Variants in CFHR1 observed in about 807,000 individuals in gnomAD.
CFHR1 encodes complement factor H-related protein 1.
CFHR1 carries 22 observed loss-of-function variants against 30.4 expected under a neutral mutation model. That is an observed-to-expected ratio of 0.72 (90% CI 0.52 to 1.03). CFHR1 has a LOEUF of 1.03. Among genes scored for constraint, CFHR1 ranks in the 50% least tolerant of loss-of-function variants. The pLI, the probability that CFHR1 is intolerant of heterozygous loss-of-function variation, is 0.00. For missense variants in CFHR1, 248 were observed against 380.6 expected, an observed-to-expected ratio of 0.65 and a Z score of 2.90; for synonymous variants, 95 against 129.1, an observed-to-expected ratio of 0.74 and a Z score of 1.79.
intron 1 of CFHR1, 39 bp from the exon 2 acceptor site, chr1:196,825,438 C>G: frequency 7.8e-7 from 1 of 1,278,300 alleles, no homozygotes; most frequent in East Asian, 2.4e-5. Flanking sequence ...ATTTATGTAA[C>G]TTATTATGTA....
intron 2 of CFHR1, chr1:196,826,051 G>A (rs1451451824): frequency 6.0e-6 from 1 of 167,330 alleles, no homozygotes; most frequent in East Asian, 1.3e-4. Flanking sequence ...TTGAAAGGAG[G>A]TTTAGCATTT....
Position 196,826,962 on chromosome 1 carries a change from T to G in CFHR1, c.387T>G (p.Cys129Trp). The G allele has an allele frequency of 6.6e-7, 1 of 1,525,714 alleles. No individual in the cohort carries two copies. Among genetic ancestry groups the G allele is most frequent in the Non-Finnish European group, 8.9e-7 (1 of 1,129,616 alleles). 94.5% of individuals were successfully genotyped at this position (1,525,714 alleles called of 1,614,324 possible). Residue 129 changes from cysteine (C) to tryptophan (W), a missense_variant, in exon 3 of 6, where the codon TGT becomes TGG. Coordinates refer to ENST00000320493, the MANE Select transcript of CFHR1 (RefSeq NM_002113.3). The part of the protein sequence containing the change: ...RLQNNENNIS[C>W]VERGWSTPPK... ...AAAACAATGAGAACAACATTTCATG[T>G]GTAGAACGGGGCTGGTCCACCCCTC...
chr1:196,825,840 G>T lies in CFHR1; in HGVS notation c.253+169G>T, dbSNP rs1249873398. On this transcript the variant is annotated intron_variant, in intron 2 of 5. Transcript: ENST00000320493. ...GATGCCTCCTATAAGAATCAATGAA[G>T]AATAAATATGTCAACTGTCTTGTGT... 14 of 610,400 alleles carry T rather than the reference G, an allele frequency of 2.3e-5. 2 individuals are homozygous for T. The Admixed American group carries it at 3.6e-4, about 16-fold the overall frequency. 37.8% of individuals were successfully genotyped at this position (610,400 alleles called of 1,614,324 possible). A position where few individuals can be genotyped will look rare whatever the true frequency, so the allele number is the denominator to read the frequency against.
In CFHR1 at chr1:196,832,070, T is replaced by C; in HGVS notation, c.*71T>C. On this transcript the variant is annotated 3_prime_UTR_variant, in exon 6 of 6. Coordinates refer to ENST00000320493, the MANE Select transcript of CFHR1 (RefSeq NM_002113.3). ...ATCAGTTCTTAATTTCATTTTTAAG[T>C]ATTGTTTTACTCCTTTTTATTCATA... 7.2e-7 allele frequency: 1 copy of C among 1,384,906 alleles called. No homozygotes were observed. Among genetic ancestry groups the C allele is most frequent in the Non-Finnish European group, 9.9e-7 (1 of 1,014,366 alleles). The allele number at this position is 1,384,906 out of a possible 1,614,324, so 85.8% of individuals were successfully genotyped here.
intron 1 of CFHR1, among the ~76,000 whole-genome samples, chr1:196,824,744 G>T (rs142408141): frequency 0.012 from 587 of 48,832 alleles, 73 homozygotes; most frequent in African/African-American, 0.07. Context: ...GAGTGGGGCT[G>T]ACTGTATATA....
chr1:196,822,347 G>A (rs544866408), intron 1 of CFHR1, among the ~76,000 whole-genome samples: 12 of 130,994 alleles, frequency 9.2e-5, no homozygotes, highest in South Asian at 5.4e-4. Context: ...ACTTTTCTTC[G>A]ATAATAAATT....
chr1:196,822,581 A>G (rs407304), intron 1 of CFHR1, among the ~76,000 whole-genome samples: 62,450 of 132,044 alleles, frequency 0.47, 20,954 homozygotes, highest in African/African-American at 0.58. Flanking sequence ...GCCTACAAAG[A>G]GTCAGGATCA....
Position 196,824,748 on chromosome 1 carries a change from GTATA to G in CFHR1, c.59-699_59-696del, listed in dbSNP as rs71131725. ...CGAAGTGAAACGAGTGGGGCTGACT[GTATA>G]TATATATATATATATATATATATAT... On this transcript the variant is annotated intron_variant, in intron 1 of 5. Coordinates refer to ENST00000320493, the MANE Select transcript of CFHR1 (RefSeq NM_002113.3). Among the ~76,000 whole-genome samples, 209 of 55,010 alleles carry G rather than the reference GTATA, an allele frequency of 3.8e-3. 20 individuals are homozygous for G. The highest frequency in any genetic ancestry group is 8.3e-3 in the South Asian group (11 of 1,330). The allele number at this position is 55,010 out of a possible 152,430, so 36.1% of individuals were successfully genotyped here. A position where few individuals can be genotyped will look rare whatever the true frequency, so the allele number is the denominator to read the frequency against.
In CFHR1 at chr1:196,826,634, G is replaced by A. The variant is rs758864536; in HGVS notation, c.254-195G>A. Among the ~76,000 whole-genome samples the A allele has an allele frequency of 4.5e-5, 6 of 133,974 alleles. 1 individual carries two copies. The highest frequency in any genetic ancestry group is 7.8e-5 in the Non-Finnish European group (5 of 64,074). The allele number at this position is 133,974 out of a possible 152,430, so 87.9% of individuals were successfully genotyped here. A position where few individuals can be genotyped will look rare whatever the true frequency, so the allele number is the denominator to read the frequency against. ...CCCGCTAATTTTTGTATTTTTACTA[G>A]AAACAGGGTTTCACCATGTTGGCCA... On this transcript the variant is annotated intron_variant, in intron 2 of 5. Coordinates refer to ENST00000320493, the MANE Select transcript of CFHR1 (RefSeq NM_002113.3).
rs752851258 is a variant in CFHR1, at chr1:196,831,959, G to A, written c.953G>A (p.Trp318Ter). The change falls in exon 6 of 6, where the codon TGG (tryptophan) becomes TAG (stop). Residue 318 changes from tryptophan (W) to a stop codon, truncating the protein, a stop_gained. Coordinates refer to ENST00000320493, the MANE Select transcript of CFHR1 (RefSeq NM_002113.3). LOFTEE classifies it low-confidence loss of function (END_TRUNC). ...TCTCACACATTGCGAACAACATGTT[G>A]GGATGGGAAACTGGAGTATCCAACT... ...SRSHTLRTTCWDGKLEYPTCA... is the reference protein window; with the variant it reads ...SRSHTLRTTC 3.5e-5 allele frequency: 54 copies of A among 1,524,404 alleles called. 12 individuals carry two copies. Among genetic ancestry groups the A allele is most frequent in the Non-Finnish European group, 4.7e-5 (53 of 1,128,508 alleles). The allele number at this position is 1,524,404 out of a possible 1,614,324, so 94.4% of individuals were successfully genotyped here. A position where few individuals can be genotyped will look rare whatever the true frequency, so the allele number is the denominator to read the frequency against.
chr1:196,825,857 G>C lies in CFHR1; in HGVS notation c.253+186G>C, dbSNP rs552470767. ...TCAATGAAGAATAAATATGTCAACT[G>C]TCTTGTGTTACCTGGAAATGCTCTA... On this transcript the variant is annotated intron_variant, in intron 2 of 5. Coordinates refer to ENST00000320493, the MANE Select transcript of CFHR1 (RefSeq NM_002113.3). 22 of 545,684 alleles carry C rather than the reference G, an allele frequency of 4.0e-5. 4 individuals carry two copies. Among genetic ancestry groups the C allele is most frequent in the African/African-American group, 3.7e-4 (15 of 40,210 alleles). 33.8% of individuals were successfully genotyped at this position (545,684 alleles called of 1,614,324 possible).
chr1:196,827,050 G>A, intron 3 of CFHR1, 45 bp downstream of exon 3: 1 of 1,473,804 alleles, frequency 6.8e-7, no homozygotes, highest in Non-Finnish European at 9.2e-7. Context: ...CTATTATAAA[G>A]TTTGAGAGAA....
At chr1:196,822,429 TA>T (rs1412562599) in intron 1 of CFHR1, among the ~76,000 whole-genome samples, 2 of 118,678 alleles carry the variant, frequency 1.7e-5, no homozygotes, top group Non-Finnish European at 3.4e-5. Context: ...ATATTTAGCT[TA>T]AAAAACATTG....
chr1:196,830,429 A>G lies in CFHR1; in HGVS notation c.608-71A>G, dbSNP rs763636745. On this transcript the variant is annotated intron_variant, in intron 4 of 5. Coordinates refer to ENST00000320493, the MANE Select transcript of CFHR1 (RefSeq NM_002113.3). ...ATATTATATAAAGTGCTGTGTTTGT[A>G]TTTGCCTTATTTGAACTTGTATTTT... 1.4e-4 allele frequency: 202 copies of G among 1,432,456 alleles called. 32 individuals are homozygous for G. The highest frequency in any genetic ancestry group is 1.7e-4 in the Non-Finnish European group (173 of 1,046,520). 88.7% of individuals were successfully genotyped at this position (1,432,456 alleles called of 1,614,324 possible). A position where few individuals can be genotyped will look rare whatever the true frequency, so the allele number is the denominator to read the frequency against.
intron 5 of CFHR1, 80 bp downstream of exon 5, chr1:196,830,762 C>A: frequency 6.9e-7 from 1 of 1,443,074 alleles, no homozygotes; most frequent in Non-Finnish European, 9.5e-7. Flanking sequence ...AAAATAATCA[C>A]AGATTATTGA....
At chr1:196,825,372 G>C in intron 1 of CFHR1, 105 bp from the exon 2 acceptor site, 1 of 895,896 alleles carries the variant, frequency 1.1e-6, no homozygotes, top group Non-Finnish European at 1.6e-6. Flanking sequence ...AGGCATTTAA[G>C]CTAAATGAAA....
intron 5 of CFHR1, 84 bp downstream of exon 5, chr1:196,830,766 T>G: frequency 6.9e-7 from 1 of 1,453,586 alleles, no homozygotes; most frequent in Non-Finnish European, 9.4e-7. Flanking sequence ...TAATCACAGA[T>G]TATTGAACAA....
At position 196,825,027 on chromosome 1, in the gene CFHR1, G is replaced by GA. The variant is rs1351370419; in HGVS notation, c.59-441dup. On this transcript the variant is annotated intron_variant, in intron 1 of 5. Transcript: ENST00000320493. ...CATATCCAACATCTTTACTGCACCA[G>GA]AAAAAAAAATAGGACAGAGTTTCTG... Among the ~76,000 whole-genome samples the GA allele has an allele frequency of 2.9e-4, 37 of 126,122 alleles. 4 individuals carry two copies. The highest frequency in any genetic ancestry group is 4.4e-4 in the Non-Finnish European group (27 of 61,536). 82.7% of individuals were successfully genotyped at this position (126,122 alleles called of 152,430 possible).
At chr1:196,823,775 A>ATATTTGATAT in intron 1 of CFHR1, among the ~76,000 whole-genome samples, 1 of 135,228 alleles carries the variant, frequency 7.4e-6, no homozygotes, top group Non-Finnish European at 1.6e-5. Context: ...ACGTACTCAA[A>ATATTTGATAT]GATAAAGCAT....
Sources: allele counts gnomAD v4.1 joint callset (sites outside exome capture counted in the v4.1 genomes callset), GRCh38; gene constraint gnomAD v4.1.1; transcripts MANE v1.5; gene names NCBI Gene and HGNC (gene_info 2026-07-23, HGNC 2026-07-21).